KMT2A: variants seen among roughly 807,000 people sequenced by gnomAD.
KMT2A encodes lysine methyltransferase 2A.
A neutral mutation model predicts 345.3 loss-of-function variants in KMT2A; 16 were observed. That is an observed-to-expected ratio of 0.05 (90% CI 0.03 to 0.07). The LOEUF is 0.07. Ranked by LOEUF, KMT2A falls within the 10% of genes least tolerant of loss-of-function variation. The pLI, the probability that KMT2A is intolerant of heterozygous loss-of-function variation, is 1.00. For missense variants in KMT2A, 3,272 were observed against 4,841.6 expected, an observed-to-expected ratio of 0.68 and a Z score of 9.62; for synonymous variants, 1,599 against 1,778.6, an observed-to-expected ratio of 0.90 and a Z score of 2.54.
At position 118,436,691 on chromosome 11, in the gene KMT2A, TGGCGGCCGCGGCGGC is replaced by T; in HGVS notation, c.186_200del (p.Ala63_Ala67del). The T allele has an allele frequency of 7.7e-7, 1 of 1,299,416 alleles. No individual in the cohort carries two copies. The highest frequency in any genetic ancestry group is 9.8e-7 in the Non-Finnish European group (1 of 1,020,560). The allele number at this position is 1,299,416 out of a possible 1,614,324, so 80.5% of individuals were successfully genotyped here. The stretch of plus-strand genomic sequence containing the variant: ...GGGGCGCCCCCCTCCCCCCCGGCTG[TGGCGGCCGCGGCGGC>T]GGCGGCGGGAAGCAGCGGGGCTGGG... On this transcript the variant is annotated inframe_deletion, in exon 1 of 36. Transcript: ENST00000534358. The surrounding 1 kb of genome is among the most constrained non-coding windows in gnomAD (Gnocchi z 6.9).
At chr11:118,507,671 A>T in intron 28 of KMT2A, 62 bp downstream of exon 28, 1 of 1,418,884 alleles carries the variant, frequency 7.0e-7, no homozygotes, top group Non-Finnish European at 9.9e-7. Context: ...CATTTAAAAA[A>T]TAGTTCTTCC....
rs782795153 is a variant in KMT2A at position 118,472,084 on chromosome 11, A to G, written c.925A>G (p.Thr309Ala). The change falls in exon 3 of 36, where the codon ACA (threonine) becomes GCA (alanine). Residue 309 changes from threonine (T) to alanine (A), a missense_variant. Transcript: ENST00000534358. ...ACGACGGAGAGGAAGGCCTCCATCA[A>G]CAGAAAGGATAAAGACCCCTTCGGG... ...IVRRRGRPPS[T>A]ERIKTPSGLL... The G allele has an allele frequency of 6.2e-7, 1 of 1,613,870 alleles. No homozygotes were observed. The highest frequency in any genetic ancestry group is 8.5e-7 in the Non-Finnish European group (1 of 1,179,986).
At chr11:118,489,231 C>CAAA (rs11412289) in intron 11 of KMT2A, among the ~76,000 whole-genome samples, 41 of 90,322 alleles carry the variant, frequency 4.5e-4, no homozygotes, top group South Asian at 4.7e-4. Flanking sequence ...GACTCCATCT[C>CAAA]AAAAAAAAAA....
At position 118,502,247 on chromosome 11, in the gene KMT2A, T is replaced by G. The variant is rs1555045929; in HGVS notation, c.6506-151T>G. The G allele has an allele frequency of 1.9e-6, 1 of 521,822 alleles. No individual in the cohort carries two copies. The highest frequency in any genetic ancestry group is 3.3e-5 in the East Asian group (1 of 30,430). 32.3% of individuals were successfully genotyped at this position (521,822 alleles called of 1,614,324 possible). A position where few individuals can be genotyped will look rare whatever the true frequency, so the allele number is the denominator to read the frequency against. Reference sequence around the variant, plus strand: ...CAGCTTGGGTGACAGAGTGAGACACTGTCTCAAAAAAGTAATAATAAATAA... The same window carrying G: ...CAGCTTGGGTGACAGAGTGAGACACGGTCTCAAAAAAGTAATAATAAATAA... On this transcript the variant is annotated intron_variant, in intron 26 of 35. Transcript: ENST00000534358. This position sits in a 1 kb window ranked among gnomAD's most constrained non-coding sequence, Gnocchi z 4.9.
At position 118,523,646 on chromosome 11, in the gene KMT2A, C is replaced by T. The variant is rs1047858452; in HGVS notation, c.*1474C>T. ...CTTATGACAAGGCTATTTTTTAAAC[C>T]GCGGTATTATCCTAATTTAAAAGAA... On this transcript the variant is annotated 3_prime_UTR_variant, in exon 36 of 36. Transcript: ENST00000534358. 5.7e-5 allele frequency: 13 copies of T among 227,768 alleles called. No individual in the cohort carries two copies. The highest frequency in any genetic ancestry group is 2.8e-4 in the Admixed American group (5 of 17,590). The allele number at this position is 227,768 out of a possible 1,614,324, so 14.1% of individuals were successfully genotyped here. A position where few individuals can be genotyped will look rare whatever the true frequency, so the allele number is the denominator to read the frequency against.
At chr11:118,449,193 T>A (rs1482091954) in intron 1 of KMT2A, 1 of 151,978 alleles carries the variant, frequency 6.6e-6, no homozygotes, top group Non-Finnish European at 1.5e-5. Flanking sequence ...CCAACTGGTT[T>A]TACAAAATAT....
chr11:118,494,557 G>T lies in KMT2A; in HGVS notation c.5290-137G>T. On this transcript the variant is annotated intron_variant, in intron 17 of 35. Coordinates refer to ENST00000534358, the MANE Select transcript of KMT2A (RefSeq NM_001197104.2). This position sits in a 1 kb window ranked among gnomAD's most constrained non-coding sequence, Gnocchi z 5.8. ...GATTCTTTGAGAGGAACTTGGTGAGGTTGCCAGAGTGGATGGATCTTTCTC... is the reference window on the plus strand; with the variant it reads ...GATTCTTTGAGAGGAACTTGGTGAGTTTGCCAGAGTGGATGGATCTTTCTC... The T allele has an allele frequency of 1.2e-6, 1 of 868,168 alleles. No individual in the cohort carries two copies. Among genetic ancestry groups the T allele is most frequent in the Middle Eastern group, 3.1e-4 (1 of 3,184 alleles). The allele number at this position is 868,168 out of a possible 1,614,324, so 53.8% of individuals were successfully genotyped here.
At chr11:118,440,978 T>C (rs1422874576) in intron 1 of KMT2A, among the ~76,000 whole-genome samples, 3 of 152,080 alleles carry the variant, frequency 2.0e-5, no homozygotes, top group Non-Finnish European at 4.4e-5. Context: ...TGAACAGTTA[T>C]GAGACCCTGG....
chr11:118,454,634 A>G (rs1350407785), intron 1 of KMT2A, among the ~76,000 whole-genome samples: 5 of 152,238 alleles, frequency 3.3e-5, no homozygotes, highest in Admixed American at 3.3e-4. Flanking sequence ...CAAAAATGTC[A>G]TAAGTCAAAG....
intron 1 of KMT2A, among the ~76,000 whole-genome samples, chr11:118,467,139 G>A (rs1314575413): frequency 6.6e-6 from 1 of 152,058 alleles, no homozygotes; most frequent in African/African-American, 2.4e-5. Context: ...CACTTTGGGA[G>A]GCCGAGGTGG....
chr11:118,477,093 G>C (rs1950050829), intron 4 of KMT2A, 111 bp downstream of exon 4: 1 of 976,788 alleles, frequency 1.0e-6, no homozygotes. Context: ...CTGAAAAACA[G>C]ATGGCAAGAG....
In KMT2A at chr11:118,523,002, C is replaced by T. The variant is rs1208605320; in HGVS notation, c.*830C>T. 4.5e-6 allele frequency: 1 copy of T among 221,994 alleles called. No individual in the cohort carries two copies. The highest frequency in any genetic ancestry group is 9.0e-6 in the Non-Finnish European group (1 of 110,748). 13.8% of individuals were successfully genotyped at this position (221,994 alleles called of 1,614,324 possible). On this transcript the variant is annotated 3_prime_UTR_variant, in exon 36 of 36. Coordinates refer to ENST00000534358, the MANE Select transcript of KMT2A (RefSeq NM_001197104.2). ...ACTCCCTGCTGGGCATAGGATGTGC[C>T]TGCAAAAAGTTCCCTGAGCCTGTAA...
At position 118,497,889 on chromosome 11, in the gene KMT2A, T is replaced by C; in HGVS notation, c.5665-47T>C. On this transcript the variant is annotated intron_variant, in intron 20 of 35. Transcript: ENST00000534358. The surrounding 1 kb of genome is among the most constrained non-coding windows in gnomAD (Gnocchi z 4.8). ...AAAGCTAATGCCGAGGAAAACCTCC[T>C]TTGGCATTATATTCTTTAGGAAAAA... The C allele has an allele frequency of 6.6e-7, 1 of 1,504,328 alleles. No homozygotes were observed. Among genetic ancestry groups the C allele is most frequent in the Non-Finnish European group, 9.2e-7 (1 of 1,085,476 alleles). The allele number at this position is 1,504,328 out of a possible 1,614,324, so 93.2% of individuals were successfully genotyped here. A position where few individuals can be genotyped will look rare whatever the true frequency, so the allele number is the denominator to read the frequency against.
intron 26 of KMT2A, 72 bp downstream of exon 26, chr11:118,501,929 A>C: frequency 2.3e-6 from 3 of 1,293,874 alleles, no homozygotes; most frequent in Middle Eastern, 1.9e-4. Flanking sequence ...CTTTCAGGCA[A>C]CTTTATCTTG....
intron 1 of KMT2A, among the ~76,000 whole-genome samples, chr11:118,441,656 A>G (rs1949316366): frequency 6.6e-6 from 1 of 152,248 alleles, no homozygotes; most frequent in African/African-American, 2.4e-5. Context: ...TACCTACTTC[A>G]TAGGATGTAG....
Position 118,473,020 on chromosome 11 carries a change from T to C in KMT2A, c.1861T>C (p.Ser621Pro). The C allele has an allele frequency of 6.2e-7, 1 of 1,614,214 alleles. No individual in the cohort carries two copies. Among genetic ancestry groups the C allele is most frequent in the Non-Finnish European group, 8.5e-7 (1 of 1,180,042 alleles). ...ILREPTFRWTSLKHSRSEPQY... is the reference protein window; with the variant it reads ...ILREPTFRWTPLKHSRSEPQY... ...GCGAGAACCGACATTTAGGTGGACT[T>C]CTTTAAAGCATTCTAGGTCAGAGCC... Residue 621 changes from serine (S) to proline (P), a missense_variant, in exon 3 of 36, where the codon TCT becomes CCT. Physicochemically the swap from Ser to Pro is moderately conservative, Grantham distance 74. This residue lies in a region of KMT2A where 114 missense variants were observed against 203.2 expected (regional missense o/e 0.56). Coordinates refer to ENST00000534358, the MANE Select transcript of KMT2A (RefSeq NM_001197104.2). This position sits in a 1 kb window ranked among gnomAD's most constrained non-coding sequence, Gnocchi z 5.2.
chr11:118,499,963 T>C, intron 24 of KMT2A, 50 bp downstream of exon 24: 1 of 1,213,188 alleles, frequency 8.2e-7, no homozygotes, highest in Non-Finnish European at 1.2e-6. Flanking sequence ...CTGAACACAC[T>C]GAAGCCATGT....
intron 1 of KMT2A, among the ~76,000 whole-genome samples, chr11:118,458,923 T>C (rs1318425468): frequency 6.6e-6 from 1 of 152,220 alleles, no homozygotes; most frequent in African/African-American, 2.4e-5. Flanking sequence ...TGGAATGATA[T>C]ATAATGGTAC....
rs1351239677 is a variant in KMT2A at position 118,484,754 on chromosome 11, A to G, written c.4219-108A>G. The G allele has an allele frequency of 2.7e-6, 2 of 753,696 alleles. No individual in the cohort carries two copies. The highest frequency in any genetic ancestry group is 4.6e-6 in the Non-Finnish European group (2 of 431,236). 46.7% of individuals were successfully genotyped at this position (753,696 alleles called of 1,614,324 possible). ...TTATTTTTGGACTCATTGAAATGAA[A>G]TACTCTGACATTGTGATGTCACACT... is the stretch of plus-strand genomic sequence containing the variant. On this transcript the variant is annotated intron_variant, in intron 9 of 35. Coordinates refer to ENST00000534358, the MANE Select transcript of KMT2A (RefSeq NM_001197104.2). The surrounding 1 kb of genome is among the most constrained non-coding windows in gnomAD (Gnocchi z 4.1).
Sources: allele counts gnomAD v4.1 joint callset (sites outside exome capture counted in the v4.1 genomes callset), GRCh38; gene constraint gnomAD v4.1.1; regional missense constraint gnomAD v4.1.1; non-coding constraint Gnocchi (gnomAD v3.1); transcripts MANE v1.5; gene names NCBI Gene and HGNC (gene_info 2026-07-23, HGNC 2026-07-21).